Variants in CNTN1 observed in about 807,000 individuals in gnomAD.
CNTN1 encodes the protein contactin-1.
A neutral mutation model predicts 126.4 loss-of-function variants in CNTN1; 38 were observed. The observed-to-expected ratio is 0.30, with a 90% CI of 0.23 to 0.39. The LOEUF is 0.39. Among genes scored for constraint, CNTN1 ranks in the 10% least tolerant of loss-of-function variants. The probability of loss-of-function intolerance (pLI) is 1.00; values close to 1 mark genes in which losing one functional copy is unlikely to be tolerated. For synonymous variants in CNTN1, 413 were observed against 422.6 expected, an observed-to-expected ratio of 0.98 and a Z score of 0.28; for missense variants, 1,009 against 1,248.4, an observed-to-expected ratio of 0.81 and a Z score of 2.89.
intron 9 of CNTN1, 86 bp from the exon 10 acceptor site, chr12:40,936,695 T>C: frequency 6.5e-7 from 1 of 1,534,508 alleles, no homozygotes; most frequent in Non-Finnish European, 9.0e-7. Flanking sequence ...CAGAATTAGG[T>C]TAACTAAATG....
Position 40,712,343 on chromosome 12 carries a change from A to G in CNTN1, c.-77+19751A>G, listed in dbSNP as rs147836149. ...GTCAGTTGATGTTGTGCTAGGCCAT[A>G]TGATTTTCTGTGACCAATGTAATAG... On this transcript the variant is annotated intron_variant, in intron 1 of 23. Transcript: ENST00000551295. Among the ~76,000 whole-genome samples, 175 of 152,282 alleles carry G rather than the reference A, an allele frequency of 1.1e-3. 1 individual carries two copies. The East Asian group carries it at 0.027, about 23-fold the overall frequency.
rs1280953432 is a variant in CNTN1 at position 40,830,487 on chromosome 12, A to G, written c.-76-77870A>G. On this transcript the variant is annotated intron_variant, in intron 1 of 23. Coordinates refer to ENST00000551295, the MANE Select transcript of CNTN1 (RefSeq NM_001843.4). ...AGAGTAGTGAAACATCAAACATAAG[A>G]TTTTGAAAGAAAAATGTACTTAAAC... is the stretch of plus-strand genomic sequence containing the variant. Among the ~76,000 whole-genome samples, 5 of 151,916 alleles carry G rather than the reference A, an allele frequency of 3.3e-5. No homozygotes were observed. In the South Asian group the frequency reaches 1.0e-3, roughly 32 times the overall value.
intron 17 of CNTN1, among the ~76,000 whole-genome samples, chr12:40,995,367 C>T (rs1386380029): frequency 6.6e-6 from 1 of 151,834 alleles, no homozygotes; most frequent in Non-Finnish European, 1.5e-5. Context: ...TGAAGTTTGG[C>T]AAGTCCTAGT....
intron 15 of CNTN1, among the ~76,000 whole-genome samples, chr12:40,959,847 C>A (rs138806424): frequency 1.3e-5 from 2 of 152,104 alleles, no homozygotes; most frequent in Non-Finnish European, 2.9e-5. Flanking sequence ...AAATAAAGAG[C>A]TGGCTCTTCA....
chr12:40,956,726 A>G (rs989917359), intron 14 of CNTN1, among the ~76,000 whole-genome samples: 1 of 152,130 alleles, frequency 6.6e-6, no homozygotes, highest in Non-Finnish European at 1.5e-5. Context: ...GTTGGCTACA[A>G]TAATGCTATG....
At chr12:40,882,277 G>A (rs1254961611) in intron 1 of CNTN1, among the ~76,000 whole-genome samples, 1 of 151,670 alleles carries the variant, frequency 6.6e-6, no homozygotes, top group Non-Finnish European at 1.5e-5. Flanking sequence ...TACTTTAAAT[G>A]CCATTAGTGA....
chr12:40,889,054 TA>T (rs1944152721), intron 1 of CNTN1, among the ~76,000 whole-genome samples: 1 of 152,252 alleles, frequency 6.6e-6, no homozygotes, highest in African/African-American at 2.4e-5. Flanking sequence ...ACTGAAGCTG[TA>T]AAAAGTTGAA....
chr12:40,748,620 A>G (rs1032955423), intron 1 of CNTN1, among the ~76,000 whole-genome samples: 6 of 152,160 alleles, frequency 3.9e-5, no homozygotes, highest in African/African-American at 1.4e-4. Flanking sequence ...CACAATGTAA[A>G]ATCAAAACTT....
intron 23 of CNTN1, among the ~76,000 whole-genome samples, chr12:41,066,699 A>G (rs1457988091): frequency 6.6e-6 from 1 of 152,240 alleles, no homozygotes; most frequent in African/African-American, 2.4e-5. Flanking sequence ...GGAAGTTTGT[A>G]TTAAAAACCA....
chr12:41,025,221 G>A lies in CNTN1; in HGVS notation c.2595G>A (p.Ser865=), dbSNP rs145714777. The A allele has an allele frequency of 5.6e-6, 9 of 1,613,878 alleles. No individual in the cohort carries two copies. Among genetic ancestry groups the A allele is most frequent in the East Asian group, 2.2e-5 (1 of 44,870 alleles). The change falls in exon 21 of 24, where the codon TCG becomes TCA. Residue 865 remains serine (S), a synonymous_variant. Transcript: ENST00000551295. ...NRVQVTSQEY[S]ARLENLLPDT... ...TTCAAGTCACCAGCCAAGAGTACTC[G>A]GCCAGGCTCGAGAACCTTCTGCCAG...
chr12:41,002,378 A>G (rs1190281751), intron 17 of CNTN1, among the ~76,000 whole-genome samples: 1 of 151,874 alleles, frequency 6.6e-6, no homozygotes, highest in African/African-American at 2.4e-5. Context: ...ATTCCTAGGT[A>G]TTTTATTCTT....
chr12:40,994,688 C>T (rs1030583212), intron 17 of CNTN1, among the ~76,000 whole-genome samples: 2 of 152,088 alleles, frequency 1.3e-5, no homozygotes, highest in Middle Eastern at 3.4e-3. Context: ...CTTAGATTAC[C>T]TACATATCCT....
intron 1 of CNTN1, among the ~76,000 whole-genome samples, chr12:40,824,639 C>T (rs1192609030): frequency 2.0e-5 from 3 of 152,086 alleles, no homozygotes; most frequent in Admixed American, 6.6e-5. Flanking sequence ...TTGATTTTTA[C>T]GCGATAAAAC....
intron 14 of CNTN1, among the ~76,000 whole-genome samples, chr12:40,944,735 T>C (rs1175329748): frequency 6.6e-6 from 1 of 151,866 alleles, no homozygotes; most frequent in Non-Finnish European, 1.5e-5. Context: ...AGAAATAAAA[T>C]AGAGGGAAAA....
At chr12:41,041,365 T>A (rs890208018) in intron 23 of CNTN1, among the ~76,000 whole-genome samples, 1 of 152,182 alleles carries the variant, frequency 6.6e-6, no homozygotes, top group African/African-American at 2.4e-5. Flanking sequence ...AGGATATTGG[T>A]CTAAAATTTT....
chr12:40,895,551 C>T (rs1224461797), intron 1 of CNTN1, among the ~76,000 whole-genome samples: 2 of 152,098 alleles, frequency 1.3e-5, no homozygotes, highest in East Asian at 3.9e-4. Flanking sequence ...CTCTCTTCCT[C>T]TTCTTGTAGA....
intron 1 of CNTN1, among the ~76,000 whole-genome samples, chr12:40,700,797 ATCTTC>A (rs1232020930): frequency 6.6e-6 from 1 of 152,156 alleles, no homozygotes; most frequent in Non-Finnish European, 1.5e-5. Context: ...TTGTGCAAAC[ATCTTC>A]TCTATAATTG....
chr12:40,894,250 T>C (rs936899366), intron 1 of CNTN1, among the ~76,000 whole-genome samples: 1 of 152,116 alleles, frequency 6.6e-6, no homozygotes, highest in Non-Finnish European at 1.5e-5. Flanking sequence ...CATACCTACA[T>C]TGCAAGTGAT....
intron 23 of CNTN1, among the ~76,000 whole-genome samples, chr12:41,036,499 A>T (rs1949268979): frequency 6.6e-6 from 1 of 152,160 alleles, no homozygotes; most frequent in Admixed American, 6.6e-5. Flanking sequence ...TTAGCTTCTA[A>T]ATCAGTTTCA....
Sources: allele counts gnomAD v4.1 joint callset (sites outside exome capture counted in the v4.1 genomes callset), GRCh38; gene constraint gnomAD v4.1.1; transcripts MANE v1.5; gene names NCBI Gene and HGNC (gene_info 2026-07-23, HGNC 2026-07-21).